The following PCDH9 variants were observed in gnomAD, a reference collection of about 807,000 sequenced individuals.
The protein encoded by PCDH9 is protocadherin-9.
PCDH9 carries 24 observed loss-of-function variants against 70.6 expected under a neutral mutation model. That is an observed-to-expected ratio of 0.34 (90% CI 0.25 to 0.48). The LOEUF is 0.48. Ranked by LOEUF, PCDH9 falls within the 20% of genes least tolerant of loss-of-function variation. The pLI is 0.99. For missense variants in PCDH9, 1,281 were observed against 1,503.6 expected, an observed-to-expected ratio of 0.85 and a Z score of 2.45; for synonymous variants, 562 against 558.5, an observed-to-expected ratio of 1.01 and a Z score of -0.09.
chr13:66,543,918 T>C (rs1161786697), intron 4 of PCDH9, among the ~76,000 whole-genome samples: 4 of 152,144 alleles, frequency 2.6e-5, no homozygotes, highest in Admixed American at 2.6e-4. Context: ...CCAACTTCCA[T>C]CACACTTGCA....
At position 67,154,704 on chromosome 13, in the gene PCDH9, TC is replaced by T. The variant is rs1268937437; in HGVS notation, c.3036+70700del. ...TGTGTTAAGTAATTTTGATCTGTAATCTTTTTTTTTTTTTTTTTGAGACAGA... is the reference window on the plus strand; with the variant it reads ...TGTGTTAAGTAATTTTGATCTGTAATTTTTTTTTTTTTTTTTTGAGACAGA... On this transcript the variant is annotated intron_variant, in intron 2 of 4. Coordinates refer to ENST00000377865, the MANE Select transcript of PCDH9 (RefSeq NM_203487.3). Among the ~76,000 whole-genome samples the T allele has an allele frequency of 2.3e-3, 238 of 105,736 alleles. 2 individuals are homozygous for T. The highest frequency in any genetic ancestry group is 9.2e-3 in the South Asian group (32 of 3,478). 69.4% of individuals were successfully genotyped at this position (105,736 alleles called of 152,430 possible). A position where few individuals can be genotyped will look rare whatever the true frequency, so the allele number is the denominator to read the frequency against.
At chr13:66,370,967 T>C (rs1956640874) in intron 4 of PCDH9, among the ~76,000 whole-genome samples, 1 of 152,144 alleles carries the variant, frequency 6.6e-6, no homozygotes, top group South Asian at 2.1e-4. Flanking sequence ...CATGGGTAAA[T>C]TCAAAACAAT....
chr13:66,628,339 C>G (rs531432347), intron 4 of PCDH9, among the ~76,000 whole-genome samples: 3 of 152,254 alleles, frequency 2.0e-5, no homozygotes, highest in Admixed American at 1.3e-4. Context: ...GACAAATAAA[C>G]AGACAAACAA....
At chr13:66,622,887 C>G (rs1414657141) in intron 4 of PCDH9, among the ~76,000 whole-genome samples, 1 of 152,186 alleles carries the variant, frequency 6.6e-6, no homozygotes, top group African/African-American at 2.4e-5. Context: ...CCTTTATGAG[C>G]TGTAACACTC....
chr13:67,167,725 A>G (rs1853520238), intron 2 of PCDH9, among the ~76,000 whole-genome samples: 1 of 152,176 alleles, frequency 6.6e-6, no homozygotes, highest in Non-Finnish European at 1.5e-5. Flanking sequence ...TCTAAACTCC[A>G]TTTTATCTAA....
intron 3 of PCDH9, among the ~76,000 whole-genome samples, chr13:66,675,487 T>C (rs768092728): frequency 6.6e-6 from 1 of 152,138 alleles, no homozygotes; most frequent in African/African-American, 2.4e-5. Context: ...CTATGTCTCC[T>C]GCAAAGTAGA....
At chr13:66,364,484 A>G (rs907906242) in intron 4 of PCDH9, among the ~76,000 whole-genome samples, 3 of 152,116 alleles carry the variant, frequency 2.0e-5, no homozygotes, top group African/African-American at 7.2e-5. Context: ...CACTTGAGCA[A>G]CTCTCTGAAT....
chr13:66,944,604 CTCTTT>C (rs1422088313), intron 2 of PCDH9, among the ~76,000 whole-genome samples: 30 of 152,216 alleles, frequency 2.0e-4, no homozygotes, highest in African/African-American at 6.7e-4. Flanking sequence ...CCATTCTGTC[CTCTTT>C]TCTTAAGCCA....
chr13:67,049,217 G>A (rs1274057507), intron 2 of PCDH9, among the ~76,000 whole-genome samples: 1 of 152,052 alleles, frequency 6.6e-6, no homozygotes, highest in African/African-American at 2.4e-5. Context: ...GAACAACATA[G>A]GGCTAATGAG....
intron 2 of PCDH9, among the ~76,000 whole-genome samples, chr13:66,987,955 G>A (rs2083928043): frequency 6.6e-6 from 1 of 151,842 alleles, no homozygotes; most frequent in Non-Finnish European, 1.5e-5. Flanking sequence ...CTGGAGTGCA[G>A]TGCTAGAATT....
chr13:66,400,347 G>A (rs1957165783), intron 4 of PCDH9, among the ~76,000 whole-genome samples: 1 of 152,056 alleles, frequency 6.6e-6, no homozygotes, highest in East Asian at 1.9e-4. Flanking sequence ...TTGAAGATGA[G>A]AAATAAATAG....
intron 3 of PCDH9, among the ~76,000 whole-genome samples, chr13:66,838,422 T>C (rs1356242336): frequency 6.6e-6 from 1 of 152,098 alleles, no homozygotes. Context: ...AAATAAGGTC[T>C]GAATTGTCTA....
In PCDH9 at chr13:67,080,962, C is replaced by A. The variant is rs527430924; in HGVS notation, c.3036+144443G>T. Among the ~76,000 whole-genome samples the A allele has an allele frequency of 2.6e-3, 400 of 152,168 alleles. 3 individuals are homozygous for A. The highest frequency in any genetic ancestry group is 9.0e-3 in the African/African-American group (375 of 41,522). On this transcript the variant is annotated intron_variant, in intron 2 of 4. Coordinates refer to ENST00000377865, the MANE Select transcript of PCDH9 (RefSeq NM_203487.3). ...CAATGGAATAACTTTTATTATTTTG[C>A]AAAAAGTGTAGCAACTTTTGGATTA...
At chr13:66,535,308 G>A (rs533598417) in intron 4 of PCDH9, among the ~76,000 whole-genome samples, 1 of 151,916 alleles carries the variant, frequency 6.6e-6, no homozygotes, top group Admixed American at 6.6e-5. Flanking sequence ...AATTATACAG[G>A]AATAAAATGT....
chr13:66,401,286 G>A (rs968316067), intron 4 of PCDH9, among the ~76,000 whole-genome samples: 8 of 152,004 alleles, frequency 5.3e-5, no homozygotes, highest in African/African-American at 1.5e-4. Context: ...TCATGGGGGC[G>A]GTCCCCCCAT....
chr13:67,075,515 T>C lies in PCDH9; in HGVS notation c.3036+149890A>G, dbSNP rs185526499. Among the ~76,000 whole-genome samples the C allele has an allele frequency of 9.0e-4, 137 of 152,252 alleles. 1 individual carries two copies. The highest frequency in any genetic ancestry group is 2.5e-4 in the Non-Finnish European group (17 of 67,984). On this transcript the variant is annotated intron_variant, in intron 2 of 4. Coordinates refer to ENST00000377865, the MANE Select transcript of PCDH9 (RefSeq NM_203487.3). ...CTCCCTGGCAATAATTCATTCTTCCTGGAGGGACTGAGGAATCATGATGGG... is the reference window on the plus strand; with the variant it reads ...CTCCCTGGCAATAATTCATTCTTCCCGGAGGGACTGAGGAATCATGATGGG...
At chr13:66,707,984 C>T (rs570971730) in intron 3 of PCDH9, among the ~76,000 whole-genome samples, 3 of 152,214 alleles carry the variant, frequency 2.0e-5, no homozygotes, top group African/African-American at 7.2e-5. Context: ...TTTTAAATTC[C>T]GTTTTCTTAT....
chr13:66,881,988 T>C (rs989707844), intron 3 of PCDH9, among the ~76,000 whole-genome samples: 1 of 152,200 alleles, frequency 6.6e-6, no homozygotes, highest in Admixed American at 6.5e-5. Context: ...AATCTGAGTA[T>C]AACACAATCC....
chr13:66,812,319 T>C (rs1386231246), intron 3 of PCDH9, among the ~76,000 whole-genome samples: 3 of 152,060 alleles, frequency 2.0e-5, no homozygotes, highest in African/African-American at 7.2e-5. Context: ...AAATGGATAG[T>C]ACTAAACTAG....
Sources: allele counts gnomAD v4.1 joint callset (sites outside exome capture counted in the v4.1 genomes callset), GRCh38; gene constraint gnomAD v4.1.1; transcripts MANE v1.5; gene names NCBI Gene and HGNC (gene_info 2026-07-23, HGNC 2026-07-21).